The following EXOC1 variants were observed in gnomAD, a reference collection of about 807,000 sequenced individuals.
EXOC1 encodes exocyst complex component 1, also known as SEC3-like 1.
Under a neutral mutation model 107.7 loss-of-function variants are expected in EXOC1, and 67 were observed. That is an observed-to-expected ratio of 0.62 (90% CI 0.51 to 0.76). The LOEUF is 0.76. Ranked by LOEUF, EXOC1 falls within the 30% of genes least tolerant of loss-of-function variation. The pLI is 0.00. For synonymous variants in EXOC1, 348 were observed against 353.5 expected, an observed-to-expected ratio of 0.98 and a Z score of 0.17; for missense variants, 833 against 1,055.7, an observed-to-expected ratio of 0.79 and a Z score of 2.92.
intron 10 of EXOC1, among the ~76,000 whole-genome samples, chr4:55,886,097 A>G (rs541871456): frequency 6.6e-6 from 1 of 152,324 alleles, no homozygotes; most frequent in Non-Finnish European, 1.5e-5. Flanking sequence ...AATATTCAAT[A>G]CTTTATTATA....
chr4:55,877,458 T>G (rs897552143), intron 8 of EXOC1: 118 of 985,154 alleles, frequency 1.2e-4, no homozygotes, highest in Non-Finnish European at 1.3e-4. Flanking sequence ...AGACTTTATA[T>G]TCTACTTTTT....
intron 2 of EXOC1, among the ~76,000 whole-genome samples, chr4:55,858,819 C>T (rs906859004): frequency 6.6e-6 from 1 of 152,024 alleles, no homozygotes; most frequent in Non-Finnish European, 1.5e-5. Context: ...TGGTTATCAA[C>T]CTTTTGTTGG....
rs1721304813 is a variant in EXOC1, at chr4:55,859,741, T to A, written c.125-670T>A. 2.6e-5 allele frequency among the ~76,000 whole-genome samples: 4 copies of A among 152,320 alleles called. No individual in the cohort carries two copies. In the South Asian group the frequency reaches 6.2e-4, roughly 24 times the overall value. On this transcript the variant is annotated intron_variant, in intron 2 of 18. Coordinates refer to ENST00000381295, the MANE Select transcript of EXOC1 (RefSeq NM_001024924.2). ...CTATTCCTGGTTTCTTACACTTTTT[T>A]AAAAAATCATGAATGGGAGTTGAAT...
intron 17 of EXOC1, among the ~76,000 whole-genome samples, chr4:55,900,903 G>A (rs963391511): frequency 1.9e-4 from 29 of 151,966 alleles, no homozygotes; most frequent in African/African-American, 6.8e-4. Flanking sequence ...AAAAGAATAT[G>A]TATCTGCTGT....
chr4:55,857,029 G>C (rs951895143), intron 1 of EXOC1, among the ~76,000 whole-genome samples: 5 of 151,862 alleles, frequency 3.3e-5, no homozygotes, highest in Non-Finnish European at 5.9e-5. Flanking sequence ...TGTATCTATG[G>C]ATTTTCCTAC....
chr4:55,875,464 A>G lies in EXOC1; in HGVS notation c.1075-2453A>G, dbSNP rs987421872. The stretch of plus-strand genomic sequence containing the variant: ...TTTGACCCCAATGTATCATTTCTTT[A>G]AAAAAGTCACTATAGCAAAGTGCTT... On this transcript the variant is annotated intron_variant, in intron 8 of 18. Coordinates refer to ENST00000381295, the MANE Select transcript of EXOC1 (RefSeq NM_001024924.2). 1.0e-5 allele frequency: 10 copies of G among 982,190 alleles called. No homozygotes were observed. The Admixed American group carries it at 4.9e-4, about 48-fold the overall frequency. The allele number at this position is 982,190 out of a possible 1,614,324, so 60.8% of individuals were successfully genotyped here.
chr4:55,903,960 C>G (rs1369429757), intron 18 of EXOC1, among the ~76,000 whole-genome samples: 1 of 152,012 alleles, frequency 6.6e-6, no homozygotes, highest in Non-Finnish European at 1.5e-5. Flanking sequence ...AGTCTTAGTT[C>G]TATACATAAT....
At chr4:55,894,513 T>G (rs1196597495) in intron 15 of EXOC1, among the ~76,000 whole-genome samples, 1 of 151,822 alleles carries the variant, frequency 6.6e-6, no homozygotes, top group African/African-American at 2.4e-5. Context: ...TTTAGTAGCT[T>G]TAATAATTGT....
intron 17 of EXOC1, among the ~76,000 whole-genome samples, chr4:55,901,438 G>A (rs181169260): frequency 5.7e-4 from 87 of 151,992 alleles, no homozygotes; most frequent in African/African-American, 1.8e-3. Context: ...TCTTTGTATC[G>A]TGCTCAAATA....
intron 3 of EXOC1, 108 bp downstream of exon 3, chr4:55,860,649 GT>G: frequency 7.5e-7 from 1 of 1,339,074 alleles, no homozygotes. Context: ...ATATATGTTT[GT>G]TTTCTTATTT....
At chr4:55,858,192 C>A in intron 1 of EXOC1, 122 bp from the exon 2 acceptor site, 1 of 887,334 alleles carries the variant, frequency 1.1e-6, no homozygotes, top group East Asian at 2.8e-5. Flanking sequence ...TAGGTGTATT[C>A]ATATATTAAA....
chr4:55,873,777 A>C (rs1272496599), intron 8 of EXOC1, among the ~76,000 whole-genome samples: 1 of 152,170 alleles, frequency 6.6e-6, no homozygotes. Flanking sequence ...CAGGTCACCT[A>C]GCAAAATTGT....
At chr4:55,862,732 G>A (rs1365677191) in intron 3 of EXOC1, among the ~76,000 whole-genome samples, 1 of 152,138 alleles carries the variant, frequency 6.6e-6, no homozygotes, top group Non-Finnish European at 1.5e-5. Context: ...CACAGTGAAA[G>A]TCTGATATAA....
At chr4:55,890,934 G>A (rs1196133641) in intron 12 of EXOC1, among the ~76,000 whole-genome samples, 1 of 152,052 alleles carries the variant, frequency 6.6e-6, no homozygotes, top group Non-Finnish European at 1.5e-5. Context: ...CACCATGCTG[G>A]CCAGGCTGGT....
rs1020168288 is a variant in EXOC1 at position 55,873,166 on chromosome 4, A to G, written c.1074+1208A>G. On this transcript the variant is annotated intron_variant, in intron 8 of 18. Transcript: ENST00000381295. ...TTAACTTGGGATAAATGAGAGACCA[A>G]TCCTGTCCTCTAGTAGTTCACAGTC... Among the ~76,000 whole-genome samples the G allele has an allele frequency of 1.2e-4, 18 of 152,010 alleles. 1 individual carries two copies. Among genetic ancestry groups the G allele is most frequent in the South Asian group, 8.3e-4 (4 of 4,824 alleles).
chr4:55,904,086 A>G (rs778492522), intron 18 of EXOC1, among the ~76,000 whole-genome samples: 31 of 151,756 alleles, frequency 2.0e-4, no homozygotes, highest in Non-Finnish European at 4.0e-4. Context: ...TTTCTTATTT[A>G]ATTCTCACAG....
chr4:55,881,212 C>G (rs897093749), intron 9 of EXOC1, among the ~76,000 whole-genome samples: 2 of 152,148 alleles, frequency 1.3e-5, no homozygotes, highest in East Asian at 1.9e-4. Context: ...CCTCCCGGGA[C>G]TGCTACCTTC....
At chr4:55,868,670 T>C (rs1722166041) in intron 5 of EXOC1, 147 bp downstream of exon 5, 1 of 558,248 alleles carries the variant, frequency 1.8e-6, no homozygotes. Flanking sequence ...CTGCCATCAG[T>C]CTTTTACTGT....
At chr4:55,901,799 T>G (rs986041052) in intron 17 of EXOC1, among the ~76,000 whole-genome samples, 4 of 152,160 alleles carry the variant, frequency 2.6e-5, no homozygotes, top group Admixed American at 2.0e-4. Flanking sequence ...GGAAGCAGTT[T>G]GTATATATAC....
Sources: gnomAD v4.1 joint callset for allele counts (sites outside exome capture counted in the v4.1 genomes callset) on GRCh38, gnomAD v4.1.1 for gene constraint, MANE v1.5 for transcripts, NCBI Gene and HGNC (gene_info 2026-07-23, HGNC 2026-07-21) for gene names.